The following KIF4A variants were observed in gnomAD, a reference collection of about 807,000 sequenced individuals.
KIF4A encodes the protein kinesin family member 4A.
KIF4A carries 7 observed loss-of-function variants against 105.9 expected under a neutral mutation model. The observed-to-expected ratio is 0.07, with a 90% CI of 0.04 to 0.12. The LOEUF (loss-of-function observed/expected upper bound fraction) is 0.12, where lower values mean the gene tolerates loss of function less well. Ranked by LOEUF, KIF4A falls within the 10% of genes least tolerant of loss-of-function variation. The pLI, the probability that KIF4A is intolerant of heterozygous loss-of-function variation, is 1.00. For synonymous variants in KIF4A, 281 were observed against 331.3 expected, an observed-to-expected ratio of 0.85 and a Z score of 1.65; for missense variants, 558 against 929.2, an observed-to-expected ratio of 0.60 and a Z score of 5.19.
intron 3 of KIF4A, among the ~76,000 whole-genome samples, chrX:70,296,538 T>C (rs1051076076): frequency 4.4e-5 from 5 of 112,778 alleles, no homozygotes; most frequent in African/African-American, 1.6e-4. Context: ...TTTCATTGAC[T>C]GTAAAAAGCA....
chrX:70,346,106 T>A (rs937024956), intron 13 of KIF4A, among the ~76,000 whole-genome samples: 48 of 111,001 alleles, frequency 4.3e-4, no homozygotes, highest in Non-Finnish European at 6.4e-4. Flanking sequence ...ATAAATAAGG[T>A]TTTTTAAAAA....
intron 7 of KIF4A, among the ~76,000 whole-genome samples, chrX:70,317,644 A>G (rs1010223319): frequency 9.6e-5 from 10 of 103,830 alleles, no homozygotes; most frequent in Non-Finnish European, 1.6e-4. Flanking sequence ...TCCTGGACTC[A>G]AGCAATCCTC....
chrX:70,326,050 C>T (rs533079081), intron 7 of KIF4A, among the ~76,000 whole-genome samples: 10 of 111,280 alleles, frequency 9.0e-5, no homozygotes, highest in African/African-American at 3.3e-4. Context: ...TCGCTGGTTG[C>T]CTCTATATGT....
Position 70,302,318 on chromosome X carries a change from G to A in KIF4A, c.698G>A (p.Arg233His), listed in dbSNP as rs747005340. 2.6e-5 allele frequency: 32 copies of A among 1,209,207 alleles called. No individual in the cohort carries two copies. Among genetic ancestry groups the A allele is most frequent in the Non-Finnish European group, 3.1e-5 (28 of 894,735 alleles). Residue 233 changes from arginine to histidine, a missense_variant, in exon 7 of 31, where the codon CGC (arginine) becomes CAC (histidine). By Grantham distance (29) the Arg-to-His change is conservative (BLOSUM62 0). This residue lies in a region of KIF4A where 89 missense variants were observed against 248.8 expected (regional missense o/e 0.36). Coordinates refer to ENST00000374403, the MANE Select transcript of KIF4A (RefSeq NM_012310.5). ...RKKSDKNSSF[R>H]SKLHLVDLAG... Reference sequence around the variant, plus strand: ...CATTATCACAGGAATAGCAGCTTTCGCTCCAAGCTGCATCTTGTAGACCTC... The same window carrying A: ...CATTATCACAGGAATAGCAGCTTTCACTCCAAGCTGCATCTTGTAGACCTC...
chrX:70,385,281 A>T (rs907052985), intron 18 of KIF4A, among the ~76,000 whole-genome samples: 1 of 111,749 alleles, frequency 8.9e-6, no homozygotes, highest in African/African-American at 3.3e-5. Flanking sequence ...TTCCAGGACA[A>T]CTGGTAGGAA....
At chrX:70,331,904 G>A (rs975565656) in intron 9 of KIF4A, among the ~76,000 whole-genome samples, 2 of 112,190 alleles carry the variant, frequency 1.8e-5, no homozygotes, top group Non-Finnish European at 3.8e-5. Flanking sequence ...TAGTCTAAGC[G>A]AGAGATAATG....
intron 13 of KIF4A, among the ~76,000 whole-genome samples, chrX:70,350,476 C>T (rs1234353418): frequency 6.3e-5 from 6 of 95,679 alleles, no homozygotes; most frequent in Admixed American, 3.4e-4. Context: ...CAGAGGGAGA[C>T]GGGAGAGGGA....
At chrX:70,395,883 T>C (rs1258911675) in intron 21 of KIF4A, 57 bp downstream of exon 21, 3 of 1,195,814 alleles carry the variant, frequency 2.5e-6, no homozygotes, top group Non-Finnish European at 3.4e-6. Flanking sequence ...TCCCCAGAAA[T>C]CCTCATAGCT....
At chrX:70,337,843 T>C (rs1219625887) in intron 10 of KIF4A, among the ~76,000 whole-genome samples, 3 of 112,356 alleles carry the variant, frequency 2.7e-5, no homozygotes, top group Admixed American at 9.4e-5. Flanking sequence ...CAAACCACCA[T>C]ACTGTTTTCC....
At chrX:70,377,040 TAATA>T in intron 18 of KIF4A, among the ~76,000 whole-genome samples, 1 of 111,374 alleles carries the variant, frequency 9.0e-6, no homozygotes, top group South Asian at 3.8e-4. Flanking sequence ...AAATCAACAG[TAATA>T]AATATTTGGA....
At chrX:70,315,639 G>A (rs1220908970) in intron 7 of KIF4A, among the ~76,000 whole-genome samples, 1 of 111,676 alleles carries the variant, frequency 9.0e-6, no homozygotes, top group Non-Finnish European at 1.9e-5. Context: ...GCAGCCCAGT[G>A]AGTGGGAAAA....
chrX:70,332,632 C>G (rs900723875), intron 9 of KIF4A, among the ~76,000 whole-genome samples: 1 of 110,994 alleles, frequency 9.0e-6, no homozygotes, highest in Non-Finnish European at 1.9e-5. Flanking sequence ...ATGGGAGAGA[C>G]TTGAACATAT....
intron 20 of KIF4A, among the ~76,000 whole-genome samples, chrX:70,392,854 TAA>T (rs2086242681): frequency 1.5e-4 from 16 of 105,674 alleles, no homozygotes; most frequent in East Asian, 2.9e-4. Context: ...ATAATAATAA[TAA>T]TAATTATTAT....
chrX:70,336,112 G>T (rs1422418831), intron 10 of KIF4A, among the ~76,000 whole-genome samples: 1 of 111,179 alleles, frequency 9.0e-6, no homozygotes, highest in Non-Finnish European at 1.9e-5. Context: ...TGTAATGATT[G>T]TATACTCTTT....
At chrX:70,296,004 C>T (rs1021176480) in intron 3 of KIF4A, among the ~76,000 whole-genome samples, 6 of 109,033 alleles carry the variant, frequency 5.5e-5, no homozygotes, top group Non-Finnish European at 1.1e-4. Flanking sequence ...TTTTCCTATC[C>T]ATACACTCAT....
At chrX:70,367,459 C>T (rs1423438957) in intron 15 of KIF4A, among the ~76,000 whole-genome samples, 1 of 111,693 alleles carries the variant, frequency 9.0e-6, no homozygotes, top group Non-Finnish European at 1.9e-5. Flanking sequence ...GTGACAAAAT[C>T]TCTCAGCATT....
chrX:70,407,578 A>G (rs141435639), intron 28 of KIF4A, among the ~76,000 whole-genome samples: 196 of 111,512 alleles, frequency 1.8e-3, no homozygotes, highest in Middle Eastern at 0.014. Context: ...ACCTGGGGCT[A>G]GTATAGAGGG....
At chrX:70,317,202 G>A (rs1235030782) in intron 7 of KIF4A, among the ~76,000 whole-genome samples, 1 of 110,988 alleles carries the variant, frequency 9.0e-6, no homozygotes. Flanking sequence ...GTGAATATAC[G>A]TACCTAAATT....
At chrX:70,405,743 T>G in intron 25 of KIF4A, 85 bp from the exon 26 acceptor site, 1 of 666,736 alleles carries the variant, frequency 1.5e-6, no homozygotes. Context: ...TTGGCAGCAG[T>G]ATGTTTTCAT....
Sources: allele counts gnomAD v4.1 joint callset (sites outside exome capture counted in the v4.1 genomes callset), GRCh38; gene constraint gnomAD v4.1.1; regional missense constraint gnomAD v4.1.1; transcripts MANE v1.5; gene names NCBI Gene and HGNC (gene_info 2026-07-23, HGNC 2026-07-21).